KAZN: variants seen among roughly 807,000 people sequenced by gnomAD.
KAZN encodes kazrin, periplakin interacting protein.
In KAZN, 40 loss-of-function variants were observed where a neutral mutation model predicts 87.4. The ratio of observed to expected loss-of-function variants is 0.46; its 90% CI spans 0.36 to 0.60. The LOEUF (loss-of-function observed/expected upper bound fraction) is 0.60, where lower values mean the gene tolerates loss of function less well. Ranked by LOEUF, KAZN falls within the 20% of genes least tolerant of loss-of-function variation. The probability of loss-of-function intolerance (pLI) is 0.00; values close to 1 mark genes in which losing one functional copy is unlikely to be tolerated. For synonymous variants in KAZN, 466 were observed against 458.3 expected (o/e 1.02, Z -0.22); for missense variants, 898 against 1,073.9 (o/e 0.84, Z 2.29).
At chr1:14,292,413 C>A (rs992044180) in intron 2 of KAZN, among the ~76,000 whole-genome samples, 16 of 152,114 alleles carry the variant, frequency 1.1e-4, no homozygotes, top group Admixed American at 1.0e-3. Flanking sequence ...GCTTGGGGAC[C>A]CTTCCAAGGC....
chr1:14,184,994 T>A lies in KAZN; in HGVS notation c.249+4402T>A, dbSNP rs1646274129. On this transcript the variant is annotated intron_variant, in intron 2 of 16. Coordinates refer to the KAZN transcript ENST00000636203. The surrounding 1 kb of genome is among the most constrained non-coding windows in gnomAD (Gnocchi z 4.2). Reference sequence around the variant, plus strand: ...TCTGTGGCTGTCACTGGTACAGTTATCTGGAGCTTTCTAGCTGCTGCCGGC... The same window carrying A: ...TCTGTGGCTGTCACTGGTACAGTTAACTGGAGCTTTCTAGCTGCTGCCGGC... 6.6e-6 allele frequency among the ~76,000 whole-genome samples: 1 copy of A among 152,192 alleles called. No individual in the cohort carries two copies. Among genetic ancestry groups the A allele is most frequent in the Non-Finnish European group, 1.5e-5 (1 of 68,020 alleles).
At chr1:14,471,622 C>T (rs1364121569) in intron 2 of KAZN, among the ~76,000 whole-genome samples, 1 of 152,172 alleles carries the variant, frequency 6.6e-6, no homozygotes, top group African/African-American at 2.4e-5. Context: ...AAGTACGTGC[C>T]AGGGAATACA....
At chr1:14,089,703 C>T (rs1409241193) in intron 1 of KAZN, among the ~76,000 whole-genome samples, 1 of 152,134 alleles carries the variant, frequency 6.6e-6, no homozygotes, top group Non-Finnish European at 1.5e-5. Flanking sequence ...GAGAAAACTG[C>T]CTTTCATATT....
chr1:14,885,625 G>A (rs187377811), intron 1 of KAZN, among the ~76,000 whole-genome samples: 131 of 152,144 alleles, frequency 8.6e-4, no homozygotes, highest in Non-Finnish European at 1.4e-3. Context: ...TATTATTACA[G>A]GAGTGAGCCA....
chr1:14,652,016 C>A (rs1323735321), intron 1 of KAZN, among the ~76,000 whole-genome samples: 1 of 152,186 alleles, frequency 6.6e-6, no homozygotes, highest in African/African-American at 2.4e-5. Flanking sequence ...TAAATTAATT[C>A]CTACAGAACA....
intron 2 of KAZN, among the ~76,000 whole-genome samples, chr1:15,010,627 C>T (rs975282161): frequency 3.9e-5 from 6 of 152,240 alleles, no homozygotes; most frequent in South Asian, 2.1e-4. Flanking sequence ...CGCCTGACCT[C>T]GTGATCACCC....
chr1:14,802,586 G>A (rs1646071846), intron 1 of KAZN, among the ~76,000 whole-genome samples: 1 of 152,110 alleles, frequency 6.6e-6, no homozygotes, highest in African/African-American at 2.4e-5. Context: ...TAACAGAGAA[G>A]TGTCTGGTCC....
Position 15,116,963 on chromosome 1 carries a change from C to G in KAZN, c.*2328C>G, listed in dbSNP as rs1641863928. On this transcript the variant is annotated 3_prime_UTR_variant, in exon 15 of 15. Coordinates refer to ENST00000376030, the MANE Select transcript of KAZN (RefSeq NM_201628.3). ...CCTCTTTTGGTTTAAATTATGCCAT[C>G]ACAACCCTCTTTCACCCATGAGGCT... 1 of 152,218 alleles carries G rather than the reference C, an allele frequency of 6.6e-6. No homozygotes were observed. The highest frequency in any genetic ancestry group is 6.5e-5 in the Admixed American group (1 of 15,288). The allele number at this position is 152,218 out of a possible 1,614,324, so 9.4% of individuals were successfully genotyped here. A position where few individuals can be genotyped will look rare whatever the true frequency, so the allele number is the denominator to read the frequency against.
chr1:14,319,974 T>A (rs951027975), intron 2 of KAZN, among the ~76,000 whole-genome samples: 1 of 148,222 alleles, frequency 6.7e-6, no homozygotes, highest in Non-Finnish European at 1.5e-5. Flanking sequence ...GAGAATAGTT[T>A]GTTGTTATTA....
chr1:14,514,375 A>T (rs1371789425), intron 2 of KAZN, among the ~76,000 whole-genome samples: 2 of 14,444 alleles, frequency 1.4e-4, no homozygotes, highest in African/African-American at 2.6e-4. Context: ...TTATATATAT[A>T]ATATATATAT....
intron 2 of KAZN, among the ~76,000 whole-genome samples, chr1:14,975,348 A>G (rs1047843307): frequency 6.6e-6 from 1 of 152,230 alleles, no homozygotes; most frequent in African/African-American, 2.4e-5. Context: ...AGCTCCTGAT[A>G]GCCAGGCAGG....
chr1:14,414,491 C>A (rs1664582171), intron 2 of KAZN, among the ~76,000 whole-genome samples: 1 of 151,968 alleles, frequency 6.6e-6, no homozygotes, highest in Non-Finnish European at 1.5e-5. Context: ...CCACATGCAT[C>A]AACATGGATG....
intron 2 of KAZN, among the ~76,000 whole-genome samples, chr1:14,470,955 C>A (rs973789409): frequency 6.6e-6 from 1 of 152,192 alleles, no homozygotes; most frequent in Admixed American, 6.5e-5. Context: ...ACTCAAGCAG[C>A]TTTTTGGAGA....
chr1:14,012,652 G>T (rs1395404624), intron 1 of KAZN, among the ~76,000 whole-genome samples: 1 of 152,090 alleles, frequency 6.6e-6, no homozygotes, highest in Non-Finnish European at 1.5e-5. Flanking sequence ...TACAAATATA[G>T]AAATTAGCTC....
At chr1:14,906,992 G>A (rs1246471651) in intron 1 of KAZN, among the ~76,000 whole-genome samples, 2 of 151,836 alleles carry the variant, frequency 1.3e-5, no homozygotes, top group African/African-American at 4.8e-5. Context: ...CTCTGACCTC[G>A]CTACTCAGGG....
chr1:14,437,123 G>A (rs1349890104), intron 2 of KAZN, among the ~76,000 whole-genome samples: 1 of 152,174 alleles, frequency 6.6e-6, no homozygotes, highest in African/African-American at 2.4e-5. Flanking sequence ...ATGTGTCCCA[G>A]TTAGATCCTG....
chr1:14,423,814 C>T (rs1665564996), intron 2 of KAZN, among the ~76,000 whole-genome samples: 1 of 152,140 alleles, frequency 6.6e-6, no homozygotes, highest in Admixed American at 6.5e-5. Context: ...TTTGCTGGAA[C>T]TTTTGGGGAA....
chr1:14,805,910 T>C (rs887322457), intron 1 of KAZN, among the ~76,000 whole-genome samples: 1 of 152,078 alleles, frequency 6.6e-6, no homozygotes. Context: ...TGGGAGGCGA[T>C]TGCAGTGTTT....
chr1:14,144,197 T>G (rs944877850), intron 1 of KAZN, among the ~76,000 whole-genome samples: 6 of 152,216 alleles, frequency 3.9e-5, no homozygotes, highest in African/African-American at 1.4e-4. Flanking sequence ...TCTCTGTTCC[T>G]TAACCACTGT....
Sources: gnomAD v4.1 joint callset for allele counts (sites outside exome capture counted in the v4.1 genomes callset) on GRCh38, gnomAD v4.1.1 for gene constraint, Gnocchi (gnomAD v3.1) non-coding constraint, MANE v1.5 for transcripts, NCBI Gene and HGNC (gene_info 2026-07-23, HGNC 2026-07-21) for gene names.